TGFBR3: variants seen among roughly 807,000 people sequenced by gnomAD.
TGFBR3 encodes the protein transforming growth factor beta receptor 3.
In TGFBR3, 46 loss-of-function variants were observed where a neutral mutation model predicts 87.9. The observed-to-expected ratio is 0.52, with a 90% CI of 0.41 to 0.67. The LOEUF (loss-of-function observed/expected upper bound fraction) is 0.67, where lower values mean the gene tolerates loss of function less well. Ranked by LOEUF, TGFBR3 falls within the 30% of genes least tolerant of loss-of-function variation. The pLI is 0.00. For synonymous variants in TGFBR3, 381 were observed against 391.6 expected, an observed-to-expected ratio of 0.97 and a Z score of 0.32; for missense variants, 866 against 1,041.9, an observed-to-expected ratio of 0.83 and a Z score of 2.32.
At chr1:91,862,047 G>C (rs1678223747) in intron 1 of TGFBR3, 2 of 180,360 alleles carry the variant, frequency 1.1e-5, no homozygotes, top group Admixed American at 1.1e-4. Flanking sequence ...GTAGAGATGG[G>C]GTTTCACCAT....
At chr1:91,705,944 C>T (rs1671786847) in intron 14 of TGFBR3, among the ~76,000 whole-genome samples, 1 of 152,046 alleles carries the variant, frequency 6.6e-6, no homozygotes, top group African/African-American at 2.4e-5. Context: ...AAGTAATTAC[C>T]TAATTTGCAA....
chr1:91,681,214 C>T lies in TGFBR3; in HGVS notation c.*2525G>A, dbSNP rs1670896590. The T allele has an allele frequency of 2.2e-6, 1 of 450,568 alleles. No individual in the cohort carries two copies. The highest frequency in any genetic ancestry group is 2.4e-5 in the Admixed American group (1 of 42,124). 27.9% of individuals were successfully genotyped at this position (450,568 alleles called of 1,614,324 possible). On this transcript the variant is annotated 3_prime_UTR_variant, in exon 17 of 17. Transcript: ENST00000212355. ...GTAAAGTGTGAAGCAATTAGAAATACTGTAATGAGAAGCTAGGGAGAAAAT... is the reference window on the plus strand; with the variant it reads ...GTAAAGTGTGAAGCAATTAGAAATATTGTAATGAGAAGCTAGGGAGAAAAT...
chr1:91,800,853 A>C, intron 2 of TGFBR3: 1 of 163,918 alleles, frequency 6.1e-6, no homozygotes, highest in Non-Finnish European at 1.3e-5. Flanking sequence ...AGGAGGCCGA[A>C]GCGGGTGGAT....
intron 2 of TGFBR3, among the ~76,000 whole-genome samples, chr1:91,832,081 T>C (rs1168133699): frequency 6.6e-6 from 1 of 152,228 alleles, no homozygotes; most frequent in East Asian, 1.9e-4. Context: ...TCCCTTTACT[T>C]AAAAATTCAA....
In TGFBR3 at chr1:91,712,176, G is replaced by C. The variant is rs1672003650; in HGVS notation, c.2166+67C>G. On this transcript the variant is annotated intron_variant, in intron 13 of 16. Coordinates refer to ENST00000212355, the MANE Select transcript of TGFBR3 (RefSeq NM_003243.5). ...AAAACCTCAACCTGCAAGACCTTGG[G>C]ATTAAACTTTTCTGCCTCACCTAAA... 8.9e-6 allele frequency: 13 copies of C among 1,468,060 alleles called. No individual in the cohort carries two copies. In the South Asian group the frequency reaches 9.4e-5, roughly 11 times the overall value. The allele number at this position is 1,468,060 out of a possible 1,614,324, so 90.9% of individuals were successfully genotyped here. A position where few individuals can be genotyped will look rare whatever the true frequency, so the allele number is the denominator to read the frequency against.
chr1:91,704,154 C>A (rs1011167912), intron 14 of TGFBR3, among the ~76,000 whole-genome samples: 4 of 151,880 alleles, frequency 2.6e-5, no homozygotes, highest in African/African-American at 7.3e-5. Context: ...ATGGTGAAAC[C>A]CCATCTCTAC....
intron 2 of TGFBR3, among the ~76,000 whole-genome samples, chr1:91,861,102 G>A (rs1678170396): frequency 6.6e-6 from 1 of 151,970 alleles, no homozygotes; most frequent in Non-Finnish European, 1.5e-5. Flanking sequence ...CTTATTCAGG[G>A]ACAAAAATGT....
intron 2 of TGFBR3, among the ~76,000 whole-genome samples, chr1:91,818,958 C>T (rs571898596): frequency 6.6e-6 from 1 of 152,178 alleles, no homozygotes; most frequent in African/African-American, 2.4e-5. Context: ...CAGCATCCTC[C>T]TGCAATCTAT....
intron 2 of TGFBR3, among the ~76,000 whole-genome samples, chr1:91,805,024 A>G (rs1257992308): frequency 6.6e-6 from 1 of 152,220 alleles, no homozygotes; most frequent in African/African-American, 2.4e-5. Context: ...TGCTCACTTC[A>G]CACCATACTC....
chr1:91,802,982 C>G (rs1158843768), intron 2 of TGFBR3, among the ~76,000 whole-genome samples: 1 of 152,158 alleles, frequency 6.6e-6, no homozygotes, highest in Non-Finnish European at 1.5e-5. Context: ...CTGCAAGATG[C>G]TCTTAATTCT....
Position 91,764,870 on chromosome 1 carries a change from GAC to G in TGFBR3, c.247-6122_247-6121del, listed in dbSNP as rs977024818. Among the ~76,000 whole-genome samples, 8 of 151,996 alleles carry G rather than the reference GAC, an allele frequency of 5.3e-5. 1 individual carries two copies. The highest frequency in any genetic ancestry group is 1.9e-4 in the African/African-American group (8 of 41,392). ...CAGTAAAATCTTTCCCCCTCCCTCA[GAC>G]AGAGCCAGAGCTCTCTCAGACAGCA... On this transcript the variant is annotated intron_variant, in intron 3 of 16. Transcript: ENST00000212355.
intron 2 of TGFBR3, among the ~76,000 whole-genome samples, chr1:91,853,056 G>A (rs767787556): frequency 6.6e-6 from 1 of 151,726 alleles, no homozygotes; most frequent in Non-Finnish European, 1.5e-5. Context: ...CTACTTGGGG[G>A]TCTGTGGGGG....
chr1:91,717,328 T>G (rs1267545139), intron 10 of TGFBR3, among the ~76,000 whole-genome samples: 1 of 152,240 alleles, frequency 6.6e-6, no homozygotes, highest in Non-Finnish European at 1.5e-5. Context: ...CCTCTAACTT[T>G]TGCTCATTTC....
chr1:91,865,086 C>T (rs1396428479), intron 1 of TGFBR3, among the ~76,000 whole-genome samples: 2 of 151,504 alleles, frequency 1.3e-5, no homozygotes, highest in Non-Finnish European at 2.9e-5. Context: ...GCCTGTAATC[C>T]CAGCTACTCG....
intron 3 of TGFBR3, among the ~76,000 whole-genome samples, chr1:91,778,846 A>C (rs1295986735): frequency 1.3e-5 from 2 of 152,216 alleles, no homozygotes; most frequent in Non-Finnish European, 2.9e-5. Context: ...TTTTAAAGTA[A>C]AACAGTAAAA....
In TGFBR3 at chr1:91,683,422, C is replaced by A; in HGVS notation, c.*317G>T. On this transcript the variant is annotated 3_prime_UTR_variant, in exon 17 of 17. Transcript: ENST00000212355. ...TATGGATGTTCTCACCTGGACAAAG[C>A]AGCATTTTAAAAACTGGCATGTGTT... 1.8e-6 allele frequency: 1 copy of A among 570,828 alleles called. No individual in the cohort carries two copies. Among genetic ancestry groups the A allele is most frequent in the Non-Finnish European group, 3.3e-6 (1 of 303,104 alleles). The allele number at this position is 570,828 out of a possible 1,614,324, so 35.4% of individuals were successfully genotyped here.
chr1:91,893,188 T>G (rs1679483973), intron 2 of TGFBR3, among the ~76,000 whole-genome samples: 1 of 152,200 alleles, frequency 6.6e-6, no homozygotes, highest in Admixed American at 6.5e-5. Context: ...ATTTTGAAAA[T>G]GGGCATATCC....
intron 5 of TGFBR3, among the ~76,000 whole-genome samples, chr1:91,732,116 C>A (rs567258790): frequency 1.8e-4 from 27 of 152,212 alleles, no homozygotes; most frequent in South Asian, 1.2e-3. Flanking sequence ...TGACAAATGA[C>A]TTTGAGACAC....
chr1:91,785,744 C>T (rs1040501529), intron 3 of TGFBR3, among the ~76,000 whole-genome samples: 1 of 151,576 alleles, frequency 6.6e-6, no homozygotes, highest in African/African-American at 2.4e-5. Context: ...AGAGAATGAA[C>T]ACACCCTTTG....
Sources: gnomAD v4.1 joint callset for allele counts (sites outside exome capture counted in the v4.1 genomes callset) on GRCh38, gnomAD v4.1.1 for gene constraint, MANE v1.5 for transcripts, NCBI Gene and HGNC (gene_info 2026-07-23, HGNC 2026-07-21) for gene names.